ANKS1B: variants seen among roughly 807,000 people sequenced by gnomAD.
ANKS1B encodes the protein ankyrin repeat and sterile alpha motif domain containing 1B, also known as ankyrin repeat and sterile alpha motif domain-containing protein 1B.
In ANKS1B, 36 loss-of-function variants were observed where a neutral mutation model predicts 148.3. The observed-to-expected ratio is 0.24, with a 90% CI of 0.19 to 0.32. The LOEUF is 0.32. ANKS1B is among the 10% of genes least tolerant of loss of function. The probability of loss-of-function intolerance (pLI) is 1.00; values close to 1 mark genes in which losing one functional copy is unlikely to be tolerated. For synonymous variants in ANKS1B, 542 were observed against 560.8 expected (o/e 0.97, Z 0.47); for missense variants, 1,157 against 1,542.6 (o/e 0.75, Z 4.19).
At chr12:99,683,753 A>G (rs910103508) in intron 8 of ANKS1B, among the ~76,000 whole-genome samples, 1 of 152,212 alleles carries the variant, frequency 6.6e-6, no homozygotes, top group Non-Finnish European at 1.5e-5. Flanking sequence ...TGAATCCAAA[A>G]GCACATCAAA....
intron 17 of ANKS1B, among the ~76,000 whole-genome samples, chr12:98,926,912 T>C (rs1426134785): frequency 6.6e-6 from 1 of 151,208 alleles, no homozygotes; most frequent in African/African-American, 2.4e-5. Flanking sequence ...ATAGTGAGAG[T>C]CCCAGACAGA....
At chr12:99,972,606 G>C (rs534315637) in intron 1 of ANKS1B, among the ~76,000 whole-genome samples, 24 of 152,270 alleles carry the variant, frequency 1.6e-4, no homozygotes, top group African/African-American at 5.8e-4. Context: ...GGTTCAGGGG[G>C]CTTAAGGAAA....
chr12:98,760,454 C>T (rs1054262003), intron 25 of ANKS1B, among the ~76,000 whole-genome samples: 3 of 152,092 alleles, frequency 2.0e-5, no homozygotes, highest in Admixed American at 6.6e-5. Flanking sequence ...TTTTTAGAGA[C>T]AGGGTTTCAA....
intron 17 of ANKS1B, among the ~76,000 whole-genome samples, chr12:99,005,191 A>G (rs550282304): frequency 6.6e-6 from 1 of 152,360 alleles, no homozygotes; most frequent in South Asian, 2.1e-4. Context: ...ACTGTTCATT[A>G]AACAGGGAAC....
chr12:99,636,362 T>C (rs2098236176), intron 9 of ANKS1B, among the ~76,000 whole-genome samples: 1 of 152,216 alleles, frequency 6.6e-6, no homozygotes, highest in Non-Finnish European at 1.5e-5. Context: ...GTTTTGTATA[T>C]GCTTCTGTTT....
intron 8 of ANKS1B, among the ~76,000 whole-genome samples, chr12:99,700,408 T>C (rs182151155): frequency 3.3e-5 from 5 of 152,300 alleles, no homozygotes; most frequent in African/African-American, 9.6e-5. Context: ...CTTCTTTTCA[T>C]GTATTCTACT....
chr12:99,229,492 G>A (rs138913033), intron 14 of ANKS1B, among the ~76,000 whole-genome samples: 1 of 151,782 alleles, frequency 6.6e-6, no homozygotes, highest in Non-Finnish European at 1.5e-5. Context: ...TAACTCCCTG[G>A]AAGTTTACAC....
chr12:99,462,081 T>C (rs1485493046), intron 10 of ANKS1B, among the ~76,000 whole-genome samples: 1 of 152,232 alleles, frequency 6.6e-6, no homozygotes, highest in Non-Finnish European at 1.5e-5. Context: ...ACTCTTGTTA[T>C]TTTACCACAT....
chr12:98,847,089 A>G (rs1283710465), intron 17 of ANKS1B, among the ~76,000 whole-genome samples: 3 of 152,174 alleles, frequency 2.0e-5, no homozygotes, highest in Non-Finnish European at 4.4e-5. Context: ...AGCTCCTTTC[A>G]TTATTATTAT....
chr12:99,362,984 G>A (rs4509863), intron 12 of ANKS1B, among the ~76,000 whole-genome samples: 148,129 of 152,128 alleles, frequency 0.97, 72,152 homozygotes, highest in East Asian at 1. Context: ...CACTAGGGTC[G>A]AATTGCACAT....
chr12:99,422,920 A>G (rs1245901825), intron 11 of ANKS1B, among the ~76,000 whole-genome samples: 1 of 152,232 alleles, frequency 6.6e-6, no homozygotes, highest in Non-Finnish European at 1.5e-5. Flanking sequence ...TGATGTTTAG[A>G]GAGGCAGAGG....
intron 8 of ANKS1B, among the ~76,000 whole-genome samples, chr12:99,727,595 C>A (rs1457087740): frequency 6.6e-6 from 1 of 152,118 alleles, no homozygotes; most frequent in African/African-American, 2.4e-5. Context: ...ATGCTATTCC[C>A]ATCAAGCTAC....
At chr12:99,214,639 A>C (rs571275863) in intron 14 of ANKS1B, among the ~76,000 whole-genome samples, 1 of 152,326 alleles carries the variant, frequency 6.6e-6, no homozygotes, top group Admixed American at 6.5e-5. Context: ...TAAATTACCC[A>C]GTCTCATAGC....
At chr12:99,387,761 G>C (rs181459417) in intron 12 of ANKS1B, among the ~76,000 whole-genome samples, 2 of 151,798 alleles carry the variant, frequency 1.3e-5, no homozygotes. Context: ...CTGGAACTCA[G>C]GAAAGTTAAT....
chr12:99,140,067 T>C (rs992059433), intron 15 of ANKS1B, among the ~76,000 whole-genome samples: 1 of 152,196 alleles, frequency 6.6e-6, no homozygotes, highest in East Asian at 1.9e-4. Flanking sequence ...AGGATTCAAA[T>C]AGTCTCATAA....
intron 1 of ANKS1B, among the ~76,000 whole-genome samples, chr12:99,825,876 G>T (rs1342723162): frequency 6.6e-6 from 1 of 152,136 alleles, no homozygotes; most frequent in Non-Finnish European, 1.5e-5. Context: ...CCAGGAAAAT[G>T]TAATCAATAT....
At chr12:98,931,176 G>A (rs1047144533) in intron 17 of ANKS1B, among the ~76,000 whole-genome samples, 1 of 152,088 alleles carries the variant, frequency 6.6e-6, no homozygotes, top group African/African-American at 2.4e-5. Context: ...AGTTGTTGAC[G>A]AATGTTCTGT....
At chr12:99,268,569 T>C (rs1476582471) in intron 12 of ANKS1B, among the ~76,000 whole-genome samples, 1 of 152,208 alleles carries the variant, frequency 6.6e-6, no homozygotes, top group Non-Finnish European at 1.5e-5. Flanking sequence ...CCAGTGGGTA[T>C]TCACTGCCTG....
intron 17 of ANKS1B, among the ~76,000 whole-genome samples, chr12:98,951,499 G>C (rs1198329868): frequency 6.6e-6 from 1 of 152,130 alleles, no homozygotes; most frequent in African/African-American, 2.4e-5. Context: ...TCCTTTGCTT[G>C]TCTGGGTCCT....
Sources: allele counts gnomAD v4.1 joint callset (sites outside exome capture counted in the v4.1 genomes callset), GRCh38; gene constraint gnomAD v4.1.1; transcripts MANE v1.5; gene names NCBI Gene and HGNC (gene_info 2026-07-23, HGNC 2026-07-21).